FGF13: variants seen among roughly 807,000 people sequenced by gnomAD.
The protein encoded by FGF13 is fibroblast growth factor 13.
Under a neutral mutation model 19.5 loss-of-function variants are expected in FGF13, and 2 were observed. The ratio of observed to expected loss-of-function variants is 0.10; its 90% CI spans 0.04 to 0.32. The LOEUF is 0.32. Ranked by LOEUF, FGF13 falls within the 10% of genes least tolerant of loss-of-function variation. FGF13 has a pLI of 1.00. For missense variants in FGF13, 113 were observed against 192.7 expected (o/e 0.59, Z 2.45); for synonymous variants, 72 against 76.9 (o/e 0.94, Z 0.33).
intron 3 of FGF13, among the ~76,000 whole-genome samples, chrX:138,825,754 T>C (rs1428160724): frequency 1.8e-5 from 2 of 112,146 alleles, no homozygotes; most frequent in Non-Finnish European, 3.8e-5. Context: ...AAGCAAATGA[T>C]ATTAATAGGC....
intron 1 of FGF13, among the ~76,000 whole-genome samples, chrX:139,010,854 T>C (rs1354608119): frequency 9.1e-6 from 1 of 109,451 alleles, no homozygotes; most frequent in Non-Finnish European, 1.9e-5. Flanking sequence ...CAAAAGATAA[T>C]GAAACAAAAA....
At chrX:139,161,579 G>A (rs765483148) in intron 1 of FGF13, among the ~76,000 whole-genome samples, 26 of 111,879 alleles carry the variant, frequency 2.3e-4, no homozygotes, top group African/African-American at 7.8e-4. Context: ...GAAATAAAGT[G>A]TATTTAAATA....
chrX:138,761,875 T>C (rs1482784281), intron 3 of FGF13, among the ~76,000 whole-genome samples: 1 of 110,683 alleles, frequency 9.0e-6, no homozygotes, highest in Admixed American at 9.7e-5. Context: ...GTTTTCCACT[T>C]TCTGACTCCT....
At chrX:139,162,907 G>A (rs1244425606) in intron 1 of FGF13, among the ~76,000 whole-genome samples, 3 of 112,148 alleles carry the variant, frequency 2.7e-5, no homozygotes, top group Non-Finnish European at 5.6e-5. Flanking sequence ...TGCTACAGAG[G>A]ATGTGGAGAA....
chrX:138,945,501 G>T (rs1028393855), intron 1 of FGF13, among the ~76,000 whole-genome samples: 13 of 111,431 alleles, frequency 1.2e-4, no homozygotes, highest in Non-Finnish European at 1.7e-4. Context: ...AATGAACAGT[G>T]GGGGGGTCAT....
intron 1 of FGF13, among the ~76,000 whole-genome samples, chrX:139,095,012 T>C (rs1261183287): frequency 8.9e-6 from 1 of 112,593 alleles, no homozygotes; most frequent in Non-Finnish European, 1.9e-5. Flanking sequence ...AAATATATGC[T>C]GTCACCAAAC....
At chrX:139,061,446 G>A (rs536522753) in intron 1 of FGF13, among the ~76,000 whole-genome samples, 3 of 110,884 alleles carry the variant, frequency 2.7e-5, no homozygotes, top group Admixed American at 1.9e-4. Flanking sequence ...GTTATAAAGC[G>A]AGGTCACTCC....
intron 1 of FGF13, among the ~76,000 whole-genome samples, chrX:139,020,005 T>C (rs2092171042): frequency 1.8e-5 from 2 of 110,582 alleles, no homozygotes; most frequent in African/African-American, 6.6e-5. Context: ...TACAAAGTAA[T>C]AGAAAACCTG....
chrX:139,122,413 C>T lies in FGF13; in HGVS notation c.-113+81003G>A, dbSNP rs73566194. Among the ~76,000 whole-genome samples the T allele has an allele frequency of 9.3e-3, 1,037 of 111,281 alleles. 16 individuals carry two copies. The highest frequency in any genetic ancestry group is 0.032 in the African/African-American group (974 of 30,596). On this transcript the variant is annotated intron_variant, in intron 1 of 2. Transcript: ENST00000421460. ...TGGATTCTCATTCAAGAACCTGCTC[C>T]AAGCAGGTTTTCATCTCTACCACTC...
chrX:138,984,842 T>G (rs757078733), intron 1 of FGF13, among the ~76,000 whole-genome samples: 1 of 27,797 alleles, frequency 3.6e-5, no homozygotes, highest in African/African-American at 8.5e-5. Flanking sequence ...GTGTGTGTGT[T>G]TTAATTTTTG....
chrX:138,865,460 T>TCTCTCTCTCTCTC (rs1270649604), intron 1 of FGF13, among the ~76,000 whole-genome samples: 2 of 80,225 alleles, frequency 2.5e-5, no homozygotes, highest in African/African-American at 5.2e-5. Context: ...CCTCTCTCTC[T>TCTCTCTCTCTCTC]CTCTCTCTCT....
At chrX:138,984,059 C>G (rs1161600133) in intron 1 of FGF13, among the ~76,000 whole-genome samples, 2 of 111,514 alleles carry the variant, frequency 1.8e-5, no homozygotes, top group African/African-American at 6.5e-5. Flanking sequence ...AAGACCAGTG[C>G]TAGAAGAAAC....
At chrX:138,980,386 G>T (rs924329386) in intron 1 of FGF13, among the ~76,000 whole-genome samples, 23 of 111,760 alleles carry the variant, frequency 2.1e-4, no homozygotes, top group African/African-American at 7.5e-4. Context: ...AAATTCTTAA[G>T]TAGAAATCAA....
chrX:138,902,421 C>T (rs947619114), intron 1 of FGF13, among the ~76,000 whole-genome samples: 5 of 112,046 alleles, frequency 4.5e-5, no homozygotes, highest in African/African-American at 1.6e-4. Context: ...TCTTCTTGTT[C>T]TCTGAAGGAA....
chrX:139,142,821 A>G (rs775578447), intron 1 of FGF13, among the ~76,000 whole-genome samples: 79 of 112,076 alleles, frequency 7.0e-4, no homozygotes, highest in Admixed American at 1.4e-3. Flanking sequence ...CACATATCGC[A>G]TGTAACTGAA....
intron 1 of FGF13, among the ~76,000 whole-genome samples, chrX:139,028,723 G>T (rs1277274026): frequency 5.6e-5 from 6 of 107,002 alleles, no homozygotes; most frequent in African/African-American, 2.0e-4. Flanking sequence ...GAGAGAGAGA[G>T]CGTGTGTGTG....
chrX:139,081,667 A>C (rs2083371443), intron 1 of FGF13, among the ~76,000 whole-genome samples: 1 of 111,484 alleles, frequency 9.0e-6, no homozygotes, highest in Admixed American at 9.6e-5. Context: ...TCTCCAACTC[A>C]GTAAGTAACG....
At chrX:138,913,793 T>C (rs151286089) in intron 1 of FGF13, among the ~76,000 whole-genome samples, 3,643 of 110,179 alleles carry the variant, frequency 0.033, 158 homozygotes, top group African/African-American at 0.11. Flanking sequence ...CCAATCCTTA[T>C]GATTAGAAGA....
intron 1 of FGF13, among the ~76,000 whole-genome samples, chrX:139,158,889 T>C (rs760250201): frequency 1.9e-5 from 2 of 105,075 alleles, no homozygotes; most frequent in African/African-American, 8.0e-5. Flanking sequence ...TGGAAGCAAG[T>C]TGGAAAAATA....
Sources: gnomAD v4.1 joint callset for allele counts (sites outside exome capture counted in the v4.1 genomes callset) on GRCh38, gnomAD v4.1.1 for gene constraint, MANE v1.5 for transcripts, NCBI Gene and HGNC (gene_info 2026-07-23, HGNC 2026-07-21) for gene names.